Variants in OR5AK2 observed in about 807,000 individuals in gnomAD.
OR5AK2 encodes olfactory receptor 5AK2.
For synonymous variants in OR5AK2, 176 were observed against 128.2 expected (o/e 1.37, Z -2.52); for missense variants, 438 against 366.3 (o/e 1.20, Z -1.60).
chr11:56,989,692 T>C lies in OR5AK2; in HGVS notation c.779T>C (p.Leu260Ser). The change falls in exon 1 of 1, where the codon TTG (leucine) becomes TCG (serine). Residue 260 changes from leucine to serine, a missense_variant. By Grantham distance (145) the Leu-to-Ser change is moderately radical. Transcript: ENST00000326855. The stretch of plus-strand genomic sequence containing the variant: ...TATGGGACACTCTCTTACATGTATT[T>C]GCAGTCTCATTCTAATAATTCCCAG... ...IFYGTLSYMY[L>S]QSHSNNSQEN... 1 of 1,614,086 alleles carries C rather than the reference T, an allele frequency of 6.2e-7. No homozygotes were observed. Among genetic ancestry groups the C allele is most frequent in the Non-Finnish European group, 8.5e-7 (1 of 1,179,924 alleles).
Position 56,989,278 on chromosome 11 carries a change from C to A in OR5AK2, c.365C>A (p.Pro122His), listed in dbSNP as rs768806128. The A allele has an allele frequency of 3.7e-6, 6 of 1,613,998 alleles. No homozygotes were observed. The highest frequency in any genetic ancestry group is 3.3e-5 in the South Asian group (3 of 91,078). Residue 122 changes from proline to histidine, a missense_variant, in exon 1 of 1, where the codon CCT (proline) becomes CAT (histidine). Physicochemically the swap from Pro to His is moderately conservative, Grantham distance 77. Coordinates refer to ENST00000326855, the MANE Select transcript of OR5AK2 (RefSeq NM_001005323.1). ...CTCCTGGCTATGATGGCAGTGGATC[C>A]TTATGTTGCCATCTGTAAGCCCCTT... is the stretch of plus-strand genomic sequence containing the variant. ...CYLLAMMAVD[P>H]YVAICKPLHY...
rs766444823 is a variant in OR5AK2, at chr11:56,988,948, T to G, written c.35T>G (p.Phe12Cys). ...GGAAACAGCACTGAAGTCACTGAAT[T>G]CTATCTTCTGGGATTTGGTGCCCAG... ...TLGNSTEVTEFYLLGFGAQHE... is the reference protein window; with the variant it reads ...TLGNSTEVTECYLLGFGAQHE... Residue 12 changes from phenylalanine to cysteine, a missense_variant, in exon 1 of 1, where the codon TTC (phenylalanine) becomes TGC (cysteine). Coordinates refer to ENST00000326855, the MANE Select transcript of OR5AK2 (RefSeq NM_001005323.1). The G allele has an allele frequency of 1.2e-6, 2 of 1,612,248 alleles. No individual in the cohort carries two copies. Among genetic ancestry groups the G allele is most frequent in the Admixed American group, 1.7e-5 (1 of 59,814 alleles).
chr11:56,989,734 C>T lies in OR5AK2; in HGVS notation c.821C>T (p.Ala274Val). The T allele has an allele frequency of 6.2e-7, 1 of 1,612,698 alleles. No individual in the cohort carries two copies. Among genetic ancestry groups the T allele is most frequent in the Non-Finnish European group, 8.5e-7 (1 of 1,178,836 alleles). Residue 274 changes from alanine (A) to valine (V), a missense_variant, in exon 1 of 1, where the codon GCC (alanine) becomes GTC (valine). By Grantham distance (64) the Ala-to-Val change is moderately conservative (BLOSUM62 0). Coordinates refer to ENST00000326855, the MANE Select transcript of OR5AK2 (RefSeq NM_001005323.1). ...SNNSQENMKV[A>V]FIFYGTVIPM... Reference sequence around the variant, plus strand: ...AATTCCCAGGAAAATATGAAAGTGGCCTTTATATTTTATGGCACAGTTATT... The same window carrying T: ...AATTCCCAGGAAAATATGAAAGTGGTCTTTATATTTTATGGCACAGTTATT...
chr11:56,989,764 T>C lies in OR5AK2; in HGVS notation c.851T>C (p.Met284Thr), dbSNP rs1861655462. The C allele has an allele frequency of 1.9e-6, 3 of 1,612,382 alleles. No homozygotes were observed. In the South Asian group the frequency reaches 3.3e-5, roughly 18 times the overall value. ...AFIFYGTVIPMLNPLIYSLRN... is the reference protein window; with the variant it reads ...AFIFYGTVIPTLNPLIYSLRN... ...ATATTTTATGGCACAGTTATTCCCA[T>C]GTTAAATCCTTTAATCTATAGCTTG... The change falls in exon 1 of 1, where the codon ATG becomes ACG. Residue 284 changes from methionine to threonine, a missense_variant. Transcript: ENST00000326855.
Position 56,989,208 on chromosome 11 carries a change from A to T in OR5AK2, c.295A>T (p.Ile99Leu). 6.2e-7 allele frequency: 1 copy of T among 1,614,118 alleles called. No homozygotes were observed. The highest frequency in any genetic ancestry group is 8.5e-7 in the Non-Finnish European group (1 of 1,179,996). Residue 99 changes from isoleucine (I) to leucine (L), a missense_variant, in exon 1 of 1, where the codon ATA (isoleucine) becomes TTA (leucine). Transcript: ENST00000326855. ...TTTGATGTTATTTCAGGGCTGTGTG[A>T]TACAATTCTTAGTTTATGCAACATT... is the stretch of plus-strand genomic sequence containing the variant. ...KNLMLFQGCV[I>L]QFLVYATFAT...
In OR5AK2 at chr11:56,988,918, C is replaced by T; in HGVS notation, c.5C>T (p.Thr2Ile). 1 of 1,590,922 alleles carries T rather than the reference C, an allele frequency of 6.3e-7. No individual in the cohort carries two copies. The highest frequency in any genetic ancestry group is 8.6e-7 in the Non-Finnish European group (1 of 1,167,506). The change falls in exon 1 of 1, where the codon ACA (threonine) becomes ATA (isoleucine). Residue 2 changes from threonine (T) to isoleucine (I), a missense_variant. Thr to Ile is a moderately conservative substitution (Grantham distance 89). Coordinates refer to ENST00000326855, the MANE Select transcript of OR5AK2 (RefSeq NM_001005323.1). ...ATTTCTAGACTTTTACTAGCCATGA[C>T]ACTAGGAAACAGCACTGAAGTCACT... Reference protein sequence around the residue: MTLGNSTEVTEF... With the variant: MILGNSTEVTEF...
At position 56,989,163 on chromosome 11, in the gene OR5AK2, A is replaced by C. The variant is rs760636739; in HGVS notation, c.250A>C (p.Ser84Arg). Reference sequence around the variant, plus strand: ...TGCTATCACTCCCAAGATGCTCCAAAGCTTCACAGAAGAAAAGAATTTGAT... The same window carrying C: ...TGCTATCACTCCCAAGATGCTCCAACGCTTCACAGAAGAAAAGAATTTGAT... ...TSAITPKMLQ[S>R]FTEEKNLMLF... Residue 84 changes from serine to arginine, a missense_variant, in exon 1 of 1, where the codon AGC becomes CGC. By Grantham distance (110) the Ser-to-Arg change is moderately radical (BLOSUM62 -1). Coordinates refer to ENST00000326855, the MANE Select transcript of OR5AK2 (RefSeq NM_001005323.1). 6.2e-7 allele frequency: 1 copy of C among 1,614,096 alleles called. No individual in the cohort carries two copies. Among genetic ancestry groups the C allele is most frequent in the South Asian group, 1.1e-5 (1 of 91,080 alleles).
rs2135226809 is a variant in OR5AK2, at chr11:56,988,970, C to G, written c.57C>G (p.Ala19=). 3 of 1,613,370 alleles carry G rather than the reference C, an allele frequency of 1.9e-6. No homozygotes were observed. The highest frequency in any genetic ancestry group is 2.5e-6 in the Non-Finnish European group (3 of 1,179,640). The change falls in exon 1 of 1, where the codon GCC becomes GCG. Residue 19 remains alanine (A), a synonymous_variant. Coordinates refer to ENST00000326855, the MANE Select transcript of OR5AK2 (RefSeq NM_001005323.1). ...AATTCTATCTTCTGGGATTTGGTGC[C>G]CAGCATGAGTTTTGGTGTATCCTCT... ...VTEFYLLGFG[A]QHEFWCILFI...
rs1292694517 is a variant in OR5AK2, at chr11:56,989,087, C to A, written c.174C>A (p.Leu58=). 1 of 1,613,982 alleles carries A rather than the reference C, an allele frequency of 6.2e-7. No homozygotes were observed. Among genetic ancestry groups the A allele is most frequent in the African/African-American group, 1.3e-5 (1 of 75,044 alleles). Residue 58 remains leucine, a synonymous_variant, in exon 1 of 1, where the codon CTC becomes CTA. Transcript: ENST00000326855. The part of the protein sequence containing the change: ...LINTDSRFQT[L]TYFFLQHLAF... ...ACACAGATTCCAGATTTCAAACACT[C>A]ACGTACTTTTTTCTACAACATTTGG...
In OR5AK2 at chr11:56,989,732, G is replaced by A; in HGVS notation, c.819G>A (p.Val273=). The change falls in exon 1 of 1, where the codon GTG becomes GTA. Residue 273 remains valine (V), a synonymous_variant. Coordinates refer to ENST00000326855, the MANE Select transcript of OR5AK2 (RefSeq NM_001005323.1). ...HSNNSQENMK[V]AFIFYGTVIP... The stretch of plus-strand genomic sequence containing the variant: ...ATAATTCCCAGGAAAATATGAAAGT[G>A]GCCTTTATATTTTATGGCACAGTTA... 6.2e-7 allele frequency: 1 copy of A among 1,610,898 alleles called. No individual in the cohort carries two copies. Among genetic ancestry groups the A allele is most frequent in the Non-Finnish European group, 8.5e-7 (1 of 1,177,190 alleles).
Position 56,989,350 on chromosome 11 carries a change from C to T in OR5AK2, c.437C>T (p.Ala146Val). The change falls in exon 1 of 1, where the codon GCT (alanine) becomes GTT (valine). Residue 146 changes from alanine (A) to valine (V), a missense_variant. Coordinates refer to ENST00000326855, the MANE Select transcript of OR5AK2 (RefSeq NM_001005323.1). ...CGAACAGTCTGCATCCGTTTGGTAG[C>T]TGGTTCATACATCATGGGCTCAATA... ...MSRTVCIRLV[A>V]GSYIMGSINA... The T allele has an allele frequency of 6.2e-7, 1 of 1,614,130 alleles. No individual in the cohort carries two copies. Among genetic ancestry groups the T allele is most frequent in the Non-Finnish European group, 8.5e-7 (1 of 1,179,986 alleles).
rs745700313 is a variant in OR5AK2 at position 56,989,555 on chromosome 11, C to T, written c.642C>T (p.Val214=). ...ACTTGATATTCACTGGGTTGGTCGTCATCTTTTCCTACATCTACATCATGG... is the reference window on the plus strand; with the variant it reads ...ACTTGATATTCACTGGGTTGGTCGTTATCTTTTCCTACATCTACATCATGG... The part of the protein sequence containing the change: ...GSNLIFTGLV[V]IFSYIYIMAT... Residue 214 remains valine (V), a synonymous_variant, in exon 1 of 1, where the codon GTC becomes GTT. Transcript: ENST00000326855. The T allele has an allele frequency of 8.7e-5, 141 of 1,613,996 alleles. No individual in the cohort carries two copies. Among genetic ancestry groups the T allele is most frequent in the Non-Finnish European group, 1.1e-4 (135 of 1,179,998 alleles).
chr11:56,989,083 C>T lies in OR5AK2; in HGVS notation c.170C>T (p.Thr57Ile), dbSNP rs779859660. ...LLINTDSRFQTLTYFFLQHLA... is the reference protein window; with the variant it reads ...LLINTDSRFQILTYFFLQHLA... ...ATCAACACAGATTCCAGATTTCAAA[C>T]ACTCACGTACTTTTTTCTACAACAT... Residue 57 changes from threonine to isoleucine, a missense_variant, in exon 1 of 1, where the codon ACA becomes ATA. Coordinates refer to ENST00000326855, the MANE Select transcript of OR5AK2 (RefSeq NM_001005323.1). 2 of 1,614,028 alleles carry T rather than the reference C, an allele frequency of 1.2e-6. No individual in the cohort carries two copies. Among genetic ancestry groups the T allele is most frequent in the South Asian group, 2.2e-5 (2 of 91,068 alleles).
In OR5AK2 at chr11:56,989,837, A is replaced by G; in HGVS notation, c.924A>G (p.Leu308=). Residue 308 remains leucine, a synonymous_variant, in exon 1 of 1, where the codon TTA becomes TTG. Transcript: ENST00000326855. ...KEALKVIGKK[L]F ...CTTTAAAAGTGATAGGGAAAAAGTT[A>G]TTTTAAATCAGCCCCAGTTGTTAAC... 2 of 1,554,684 alleles carry G rather than the reference A, an allele frequency of 1.3e-6. No individual in the cohort carries two copies. The highest frequency in any genetic ancestry group is 2.2e-5 in the East Asian group (1 of 44,512).
Position 56,989,332 on chromosome 11 carries a change from T to C in OR5AK2, c.419T>C (p.Val140Ala). The C allele has an allele frequency of 6.2e-7, 1 of 1,614,160 alleles. No individual in the cohort carries two copies. The highest frequency in any genetic ancestry group is 8.5e-7 in the Non-Finnish European group (1 of 1,180,000). The change falls in exon 1 of 1, where the codon GTC (valine) becomes GCC (alanine). Residue 140 changes from valine (V) to alanine (A), a missense_variant. Val to Ala is a moderately conservative substitution (Grantham distance 64). Transcript: ENST00000326855. Reference sequence around the variant, plus strand: ...TATACTGTAATCATGTCCCGAACAGTCTGCATCCGTTTGGTAGCTGGTTCA... The same window carrying C: ...TATACTGTAATCATGTCCCGAACAGCCTGCATCCGTTTGGTAGCTGGTTCA... ...LHYTVIMSRT[V>A]CIRLVAGSYI...
Position 56,988,954 on chromosome 11 carries a change from T to A in OR5AK2, c.41T>A (p.Leu14His). 1.2e-6 allele frequency: 2 copies of A among 1,612,984 alleles called. No individual in the cohort carries two copies. The highest frequency in any genetic ancestry group is 1.7e-6 in the Non-Finnish European group (2 of 1,179,446). The part of the protein sequence containing the change: ...GNSTEVTEFY[L>H]LGFGAQHEFW... ...AGCACTGAAGTCACTGAATTCTATC[T>A]TCTGGGATTTGGTGCCCAGCATGAG... Residue 14 changes from leucine to histidine, a missense_variant, in exon 1 of 1, where the codon CTT becomes CAT. By Grantham distance (99) the Leu-to-His change is moderately conservative (BLOSUM62 -3). Transcript: ENST00000326855.
chr11:56,989,326 G>T lies in OR5AK2; in HGVS notation c.413G>T (p.Arg138Leu). ...KPLHYTVIMS[R>L]TVCIRLVAGS... ...CTTCACTATACTGTAATCATGTCCC[G>T]AACAGTCTGCATCCGTTTGGTAGCT... Residue 138 changes from arginine to leucine, a missense_variant, in exon 1 of 1, where the codon CGA becomes CTA. Transcript: ENST00000326855. The T allele has an allele frequency of 5.0e-6, 8 of 1,613,998 alleles. No homozygotes were observed. The highest frequency in any genetic ancestry group is 6.8e-6 in the Non-Finnish European group (8 of 1,179,964).
chr11:56,989,552 C>G lies in OR5AK2; in HGVS notation c.639C>G (p.Val213=), dbSNP rs746780389. The change falls in exon 1 of 1, where the codon GTC becomes GTG. Residue 213 remains valine (V), a synonymous_variant. Transcript: ENST00000326855. ...VGSNLIFTGL[V]VIFSYIYIMA... is the part of the protein sequence containing the mutation. ...CTAACTTGATATTCACTGGGTTGGTCGTCATCTTTTCCTACATCTACATCA... is the reference window on the plus strand; with the variant it reads ...CTAACTTGATATTCACTGGGTTGGTGGTCATCTTTTCCTACATCTACATCA... 1 of 1,614,042 alleles carries G rather than the reference C, an allele frequency of 6.2e-7. No individual in the cohort carries two copies. Among genetic ancestry groups the G allele is most frequent in the Non-Finnish European group, 8.5e-7 (1 of 1,179,966 alleles).
rs1356501344 is a variant in OR5AK2, at chr11:56,989,741, AT to A, written c.832del (p.Tyr278MetfsTer8). 1 of 1,612,904 alleles carries A rather than the reference AT, an allele frequency of 6.2e-7. No individual in the cohort carries two copies. Among genetic ancestry groups the A allele is most frequent in the East Asian group, 2.2e-5 (1 of 44,858 alleles). ...AGGAAAATATGAAAGTGGCCTTTAT[AT>A]TTTATGGCACAGTTATTCCCATGTT... is the stretch of plus-strand genomic sequence containing the variant. ...SQENMKVAFIFYGTVIPMLNP... is the reference protein window; with the variant it reads ...SQENMKVAFIXYGTVIPMLNP... On this transcript the variant is annotated frameshift_variant, in exon 1 of 1. Coordinates refer to ENST00000326855, the MANE Select transcript of OR5AK2 (RefSeq NM_001005323.1). LOFTEE classifies it low-confidence loss of function (END_TRUNC).
Sources: allele counts gnomAD v4.1 joint callset, GRCh38; gene constraint gnomAD v4.1.1; transcripts MANE v1.5; gene names NCBI Gene and HGNC (gene_info 2026-07-23, HGNC 2026-07-21).